Variants in TAB2 observed in about 807,000 individuals in gnomAD.
The protein encoded by TAB2 is TGF-beta-activated kinase 1 and MAP3K7-binding protein 2.
In TAB2, 3 loss-of-function variants were observed where a neutral mutation model predicts 65.0. The ratio of observed to expected loss-of-function variants is 0.05; its 90% CI spans 0.02 to 0.12. The LOEUF (loss-of-function observed/expected upper bound fraction) is 0.12. Among genes scored for constraint, TAB2 ranks in the 10% least tolerant of loss-of-function variants. The pLI is 1.00. For synonymous variants in TAB2, 298 were observed against 285.1 expected (o/e 1.05, Z -0.46); for missense variants, 623 against 840.3 (o/e 0.74, Z 3.20).
rs547325051 is a variant in TAB2 at position 149,309,872 on chromosome 6, G to A, written c.-120-68146G>A. On this transcript the variant is annotated intron_variant, in intron 1 of 1. Coordinates refer to the TAB2 transcript ENST00000606202. Reference sequence around the variant, plus strand: ...CCTTCCCAGGACACACTGTGTGTGTGTGTGGGTGTGGGTGTGTGTGTGTGT... The same window carrying A: ...CCTTCCCAGGACACACTGTGTGTGTATGTGGGTGTGGGTGTGTGTGTGTGT... Among the ~76,000 whole-genome samples, 37 of 114,122 alleles carry A rather than the reference G, an allele frequency of 3.2e-4. No individual in the cohort carries two copies. In the South Asian group the frequency reaches 7.9e-3, roughly 24 times the overall value. 74.9% of individuals were successfully genotyped at this position (114,122 alleles called of 152,430 possible).
intron 1 of TAB2, among the ~76,000 whole-genome samples, chr6:149,273,355 C>T (rs753256248): frequency 3.9e-5 from 6 of 152,140 alleles, no homozygotes; most frequent in Non-Finnish European, 7.4e-5. Context: ...GAGAGGCATG[C>T]GTTTCTATTC....
chr6:149,403,484 C>G (rs1312480096), intron 6 of TAB2, among the ~76,000 whole-genome samples: 1 of 151,098 alleles, frequency 6.6e-6, no homozygotes, highest in Non-Finnish European at 1.5e-5. Flanking sequence ...CTGGCACAAG[C>G]AAGGGTGCCA....
intron 2 of TAB2, among the ~76,000 whole-genome samples, chr6:149,373,547 T>G (rs973464485): frequency 2.6e-5 from 4 of 152,226 alleles, no homozygotes; most frequent in African/African-American, 9.6e-5. Context: ...TCCTTGCTAA[T>G]GAATGCTCAG....
intron 1 of TAB2, among the ~76,000 whole-genome samples, chr6:149,351,447 A>C (rs1471999889): frequency 6.6e-6 from 1 of 152,212 alleles, no homozygotes; most frequent in African/African-American, 2.4e-5. Context: ...GATATAATGC[A>C]ATTGGCTTTA....
At chr6:149,243,653 CT>C (rs1777644751) in intron 1 of TAB2, 1 of 152,224 alleles carries the variant, frequency 6.6e-6, no homozygotes, top group Non-Finnish European at 1.5e-5. Context: ...GCTGAAGGCA[CT>C]TCCTCAGAAT....
intron 1 of TAB2, among the ~76,000 whole-genome samples, chr6:149,341,229 A>C (rs772274542): frequency 5.3e-5 from 8 of 152,120 alleles, no homozygotes; most frequent in Non-Finnish European, 8.8e-5. Flanking sequence ...CTAAATATAA[A>C]TTGTTATATT....
chr6:149,318,173 C>T (rs1432630243), intron 1 of TAB2, among the ~76,000 whole-genome samples, 158 bp downstream of exon 1: 1 of 152,138 alleles, frequency 6.6e-6, no homozygotes, highest in African/African-American at 2.4e-5. Flanking sequence ...CCGCCTCTTT[C>T]CTTCCCCCAG....
At chr6:149,367,617 A>G (rs1781082302) in intron 1 of TAB2, among the ~76,000 whole-genome samples, 1 of 152,196 alleles carries the variant, frequency 6.6e-6, no homozygotes, top group Non-Finnish European at 1.5e-5. Context: ...AAGAAGTGGT[A>G]TGTTGGCAAA....
At chr6:149,264,039 T>C (rs1778209141) in intron 1 of TAB2, among the ~76,000 whole-genome samples, 1 of 152,218 alleles carries the variant, frequency 6.6e-6, no homozygotes, top group Non-Finnish European at 1.5e-5. Flanking sequence ...CTATTCTGCA[T>C]GCCCATCATG....
At chr6:149,276,397 G>A (rs1000756560) in intron 1 of TAB2, among the ~76,000 whole-genome samples, 1 of 152,142 alleles carries the variant, frequency 6.6e-6, no homozygotes, top group Non-Finnish European at 1.5e-5. Context: ...TAATGTGCTA[G>A]CGATGAGACA....
intron 1 of TAB2, among the ~76,000 whole-genome samples, chr6:149,225,354 GA>G (rs71707803): frequency 0.061 from 8,913 of 145,006 alleles, 450 homozygotes; most frequent in South Asian, 0.14. Flanking sequence ...GCGGGGGAAA[GA>G]AAAAAAAAAG....
intron 1 of TAB2, among the ~76,000 whole-genome samples, chr6:149,327,305 C>G (rs1325491980): frequency 6.6e-6 from 1 of 152,152 alleles, no homozygotes; most frequent in Non-Finnish European, 1.5e-5. Context: ...CAAATTATGT[C>G]ATAGTTGCCT....
intron 1 of TAB2, among the ~76,000 whole-genome samples, chr6:149,267,475 T>C (rs1001994469): frequency 1.3e-5 from 2 of 152,198 alleles, no homozygotes; most frequent in East Asian, 1.9e-4. Flanking sequence ...GATATTGAAA[T>C]ATTTAGATAT....
chr6:149,345,090 A>T (rs898631441), intron 1 of TAB2, among the ~76,000 whole-genome samples: 3 of 152,078 alleles, frequency 2.0e-5, no homozygotes, highest in Admixed American at 2.0e-4. Flanking sequence ...CTTTCCTTTA[A>T]TTAATTAAAC....
intron 2 of TAB2, among the ~76,000 whole-genome samples, chr6:149,371,435 C>T (rs922102907): frequency 6.6e-6 from 1 of 152,162 alleles, no homozygotes; most frequent in Non-Finnish European, 1.5e-5. Context: ...TCCAGTCCTT[C>T]CTGTTCATAC....
At chr6:149,306,677 G>A (rs1200663377) in intron 1 of TAB2, among the ~76,000 whole-genome samples, 2 of 152,000 alleles carry the variant, frequency 1.3e-5, no homozygotes, top group Non-Finnish European at 1.5e-5. Flanking sequence ...GCTTGAACCC[G>A]GGAGGCAGAG....
At chr6:149,405,269 G>A (rs1422401318) in intron 6 of TAB2, among the ~76,000 whole-genome samples, 8 of 152,218 alleles carry the variant, frequency 5.3e-5, no homozygotes. Flanking sequence ...AAGATTATAT[G>A]CATTGATGAG....
At chr6:149,273,642 G>A (rs1024178450) in intron 1 of TAB2, among the ~76,000 whole-genome samples, 1 of 152,182 alleles carries the variant, frequency 6.6e-6, no homozygotes, top group African/African-American at 2.4e-5. Context: ...TCAGCCTCTG[G>A]ATGCCTGCCG....
intron 6 of TAB2, among the ~76,000 whole-genome samples, chr6:149,403,269 T>TATACAC (rs1562456255): frequency 2.1e-5 from 1 of 47,798 alleles, no homozygotes; most frequent in African/African-American, 1.1e-4. Flanking sequence ...TATATATATA[T>TATACAC]ATATATATAT....
Sources: allele counts gnomAD v4.1 joint callset (sites outside exome capture counted in the v4.1 genomes callset), GRCh38; gene constraint gnomAD v4.1.1; transcripts MANE v1.5; gene names NCBI Gene and HGNC (gene_info 2026-07-23, HGNC 2026-07-21).